The following NAA16 variants were observed in gnomAD, a reference collection of about 807,000 sequenced individuals.
NAA16 encodes N-alpha-acetyltransferase 16, NatA auxiliary subunit.
A neutral mutation model predicts 110.3 loss-of-function variants in NAA16; 97 were observed. That is an observed-to-expected ratio of 0.88 (90% CI 0.75 to 1.04). NAA16 has a LOEUF of 1.04. NAA16 is among the 50% of genes least tolerant of loss of function. NAA16 has a pLI of 0.00. For missense variants in NAA16, 1,017 were observed against 1,005.1 expected (o/e 1.01, Z -0.16); for synonymous variants, 372 against 330.6 (o/e 1.13, Z -1.36).
At chr13:41,339,372 C>T (rs2042470524) in intron 9 of NAA16, among the ~76,000 whole-genome samples, 1 of 152,098 alleles carries the variant, frequency 6.6e-6, no homozygotes, top group Non-Finnish European at 1.5e-5. Flanking sequence ...CTCCTGACCT[C>T]AGGTGATCTG....
chr13:41,353,674 G>A (rs558973090), intron 9 of NAA16, among the ~76,000 whole-genome samples: 1 of 151,758 alleles, frequency 6.6e-6, no homozygotes, highest in South Asian at 2.1e-4. Context: ...GGCTGAGGTG[G>A]GACAATTGCT....
rs746093968 is a variant in NAA16, at chr13:41,331,333, A to G, written c.871A>G (p.Ile291Val). Reference sequence around the variant, plus strand: ...AATTAGTAAGCAGCACCCCAAAGCAATTACACCCAGAAGATTACCTTTGAC... The same window carrying G: ...AATTAGTAAGCAGCACCCCAAAGCAGTTACACCCAGAAGATTACCTTTGAC... ...EEISKQHPKA[I>V]TPRRLPLTLV... is the part of the protein sequence containing the mutation. The change falls in exon 8 of 20, where the codon ATT (isoleucine) becomes GTT (valine). Residue 291 changes from isoleucine to valine, a missense_variant. Coordinates refer to ENST00000379406, the MANE Select transcript of NAA16 (RefSeq NM_024561.5). 3.7e-6 allele frequency: 6 copies of G among 1,609,628 alleles called. No individual in the cohort carries two copies. Among genetic ancestry groups the G allele is most frequent in the African/African-American group, 2.7e-5 (2 of 74,824 alleles).
chr13:41,371,767 G>C (rs2043323639), intron 15 of NAA16, among the ~76,000 whole-genome samples: 1 of 152,076 alleles, frequency 6.6e-6, no homozygotes, highest in Non-Finnish European at 1.5e-5. Context: ...AACTGCACTG[G>C]GGGTGGGTCA....
chr13:41,318,950 A>T, intron 3 of NAA16, 40 bp downstream of exon 3: 1 of 1,311,810 alleles, frequency 7.6e-7, no homozygotes, highest in Non-Finnish European at 1.0e-6. Context: ...TGTTTTAGCT[A>T]GTTTTTTCCT....
At position 41,342,466 on chromosome 13, in the gene NAA16, CT is replaced by C. The variant is rs2042578412; in HGVS notation, c.1014+5712del. Among the ~76,000 whole-genome samples, 3 of 152,288 alleles carry C rather than the reference CT, an allele frequency of 2.0e-5. 1 individual carries two copies. In the South Asian group the frequency reaches 6.2e-4, roughly 32 times the overall value. On this transcript the variant is annotated intron_variant, in intron 9 of 19. Coordinates refer to ENST00000379406, the MANE Select transcript of NAA16 (RefSeq NM_024561.5). ...ACCAAACTTTTATTATGAATAATTGCTTACTGGCTCTATAAAATAGTGTCCA... is the reference window on the plus strand; with the variant it reads ...ACCAAACTTTTATTATGAATAATTGCTACTGGCTCTATAAAATAGTGTCCA...
At chr13:41,331,452 T>C (rs1435423569) in intron 8 of NAA16, 83 bp downstream of exon 8, 1 of 1,000,244 alleles carries the variant, frequency 1.0e-6, no homozygotes, top group Non-Finnish European at 1.5e-6. Context: ...GTGTTTCTGG[T>C]ATAGAGTTTA....
intron 4 of NAA16, 86 bp downstream of exon 4, chr13:41,320,910 C>G (rs1024764455): frequency 1.7e-6 from 2 of 1,190,462 alleles, no homozygotes; most frequent in African/African-American, 3.1e-5. Context: ...GAGCATAAGC[C>G]AAAATCAAGT....
chr13:41,355,966 A>T (rs2042971141), intron 10 of NAA16, among the ~76,000 whole-genome samples: 1 of 152,204 alleles, frequency 6.6e-6, no homozygotes, highest in Admixed American at 6.5e-5. Context: ...TCATGCACAA[A>T]GTAACTTCCG....
chr13:41,315,407 G>C (rs1023433820), intron 1 of NAA16, among the ~76,000 whole-genome samples: 1 of 152,162 alleles, frequency 6.6e-6, no homozygotes, highest in Non-Finnish European at 1.5e-5. Flanking sequence ...GATGTTAATT[G>C]TGTACCCTGG....
chr13:41,336,762 AT>A lies in NAA16; in HGVS notation c.1014+9del. 6.6e-7 allele frequency: 1 copy of A among 1,526,120 alleles called. No homozygotes were observed. The highest frequency in any genetic ancestry group is 9.0e-7 in the Non-Finnish European group (1 of 1,113,026). 94.5% of individuals were successfully genotyped at this position (1,526,120 alleles called of 1,614,324 possible). A position where few individuals can be genotyped will look rare whatever the true frequency, so the allele number is the denominator to read the frequency against. ...TATATTACAATACAGAAAAGGTAAA[AT>A]TTGGTATTTATTCAGATTTGCTATA... On this transcript the variant is annotated splice_region_variant and intron_variant, in intron 9 of 19. Coordinates refer to ENST00000379406, the MANE Select transcript of NAA16 (RefSeq NM_024561.5).
rs749535695 is a variant in NAA16, at chr13:41,320,693, C to A, written c.271C>A (p.Arg91Ser). ...TTGGCATGTATATGGACTCTTGCAG[C>A]GTTCTGATAAAAAATATGATGAAGC... ...VCWHVYGLLQ[R>S]SDKKYDEAIK... The change falls in exon 4 of 20, where the codon CGT becomes AGT. Residue 91 changes from arginine to serine, a missense_variant. Coordinates refer to ENST00000379406, the MANE Select transcript of NAA16 (RefSeq NM_024561.5). 8.1e-6 allele frequency: 13 copies of A among 1,611,178 alleles called. No individual in the cohort carries two copies. Among genetic ancestry groups the A allele is most frequent in the Non-Finnish European group, 1.1e-5 (13 of 1,179,338 alleles).
chr13:41,358,487 C>A lies in NAA16; in HGVS notation c.1257+14C>A. 6.2e-7 allele frequency: 1 copy of A among 1,612,002 alleles called. No homozygotes were observed. The highest frequency in any genetic ancestry group is 8.5e-7 in the Non-Finnish European group (1 of 1,178,650). ...AAAATTTACAAGGTAAAATCTGAAT[C>A]CTGTTTTTTGAGTAGTTGAAGAATT... On this transcript the variant is annotated intron_variant, in intron 11 of 19. Transcript: ENST00000379406.
intron 12 of NAA16, among the ~76,000 whole-genome samples, chr13:41,359,611 C>T (rs1456021586): frequency 6.6e-6 from 1 of 152,090 alleles, no homozygotes; most frequent in African/African-American, 2.4e-5. Flanking sequence ...AAATATATTG[C>T]TGGGACAATT....
intron 9 of NAA16, among the ~76,000 whole-genome samples, chr13:41,345,351 T>G (rs1415991982): frequency 6.6e-6 from 1 of 152,190 alleles, no homozygotes; most frequent in African/African-American, 2.4e-5. Context: ...CATTAACACT[T>G]GTTATTATTG....
At chr13:41,348,538 G>C (rs1396266648) in intron 9 of NAA16, among the ~76,000 whole-genome samples, 2 of 152,038 alleles carry the variant, frequency 1.3e-5, no homozygotes, top group Non-Finnish European at 2.9e-5. Flanking sequence ...CATATTGATG[G>C]GTTCGATTTG....
At chr13:41,314,216 G>A (rs553200130) in intron 1 of NAA16, among the ~76,000 whole-genome samples, 11 of 152,284 alleles carry the variant, frequency 7.2e-5, no homozygotes, top group African/African-American at 2.4e-4. Flanking sequence ...GTGTCTGGAC[G>A]TATAGTAAAT....
intron 9 of NAA16, among the ~76,000 whole-genome samples, chr13:41,339,400 A>G (rs1403430814): frequency 6.6e-6 from 1 of 152,118 alleles, no homozygotes; most frequent in Non-Finnish European, 1.5e-5. Context: ...CGGCCTCCCA[A>G]AGTGCTGGGA....
Position 41,328,763 on chromosome 13 carries a change from G to A in NAA16, c.731G>A (p.Ser244Asn), listed in dbSNP as rs375276909. The A allele has an allele frequency of 1.2e-6, 2 of 1,608,886 alleles. No individual in the cohort carries two copies. Among genetic ancestry groups the A allele is most frequent in the Non-Finnish European group, 1.7e-6 (2 of 1,175,986 alleles). ...LLKLGRLKEASEVFKNLIDRN... is the reference protein window; with the variant it reads ...LLKLGRLKEANEVFKNLIDRN... ...AAATTGGGAAGATTAAAAGAAGCCAGTGAAGTGTTCAAAAACTTGATTGAT... is the reference window on the plus strand; with the variant it reads ...AAATTGGGAAGATTAAAAGAAGCCAATGAAGTGTTCAAAAACTTGATTGAT... The change falls in exon 7 of 20, where the codon AGT becomes AAT. Residue 244 changes from serine (S) to asparagine (N), a missense_variant. Physicochemically the swap from Ser to Asn is conservative, Grantham distance 46. Coordinates refer to ENST00000379406, the MANE Select transcript of NAA16 (RefSeq NM_024561.5).
intron 7 of NAA16, among the ~76,000 whole-genome samples, chr13:41,330,216 C>A (rs531487246): frequency 8.8e-4 from 134 of 151,696 alleles, no homozygotes; most frequent in African/African-American, 1.5e-3. Context: ...TTTTACCCCC[C>A]ACACATATCC....
Sources: gnomAD v4.1 joint callset for allele counts (sites outside exome capture counted in the v4.1 genomes callset) on GRCh38, gnomAD v4.1.1 for gene constraint, MANE v1.5 for transcripts, NCBI Gene and HGNC (gene_info 2026-07-23, HGNC 2026-07-21) for gene names.